The following DNAAF9 variants were observed in gnomAD, a reference collection of about 807,000 sequenced individuals.
DNAAF9 encodes the protein shulin.
Under a neutral mutation model 167.0 loss-of-function variants are expected in DNAAF9, and 90 were observed. The ratio of observed to expected loss-of-function variants is 0.54; its 90% CI spans 0.45 to 0.64. DNAAF9 has a LOEUF of 0.64. DNAAF9 is among the 30% of genes least tolerant of loss of function. The pLI is 0.00. For missense variants in DNAAF9, 1,315 were observed against 1,442.2 expected, an observed-to-expected ratio of 0.91 and a Z score of 1.43; for synonymous variants, 491 against 508.8, an observed-to-expected ratio of 0.96 and a Z score of 0.47.
At chr20:3,369,252 T>C (rs932563488) in intron 6 of DNAAF9, among the ~76,000 whole-genome samples, 1 of 152,226 alleles carries the variant, frequency 6.6e-6, no homozygotes, top group Non-Finnish European at 1.5e-5. Flanking sequence ...TTTATTTCTC[T>C]TTATGATTGG....
At chr20:3,266,538 C>T (rs571662979) in intron 30 of DNAAF9, among the ~76,000 whole-genome samples, 3 of 152,232 alleles carry the variant, frequency 2.0e-5, no homozygotes, top group Admixed American at 6.5e-5. Flanking sequence ...AGTGCAGTGG[C>T]GCGGTCTCGG....
At chr20:3,366,068 T>C (rs1379174617) in intron 6 of DNAAF9, among the ~76,000 whole-genome samples, 2 of 152,344 alleles carry the variant, frequency 1.3e-5, no homozygotes, top group East Asian at 3.9e-4. Context: ...CAAACTCCTG[T>C]TAATGTTGTT....
Position 3,294,856 on chromosome 20 carries a change from C to T in DNAAF9, c.2019-227G>A, listed in dbSNP as rs371442194. ...GATAATACCATGAGTTTCTGATTCT[C>T]GGTGATTTCACCTCTCCTTTTTTTT... On this transcript the variant is annotated intron_variant, in intron 23 of 36. Coordinates refer to ENST00000252032, the MANE Select transcript of DNAAF9 (RefSeq NM_001009984.3). 1.7e-4 allele frequency among the ~76,000 whole-genome samples: 26 copies of T among 151,968 alleles called. No individual in the cohort carries two copies. The East Asian group carries it at 3.9e-3, about 23-fold the overall frequency.
intron 33 of DNAAF9, among the ~76,000 whole-genome samples, chr20:3,257,800 G>C (rs2068307576): frequency 6.6e-6 from 1 of 152,124 alleles, no homozygotes; most frequent in Non-Finnish European, 1.5e-5. Flanking sequence ...CATCTCCCAG[G>C]TTCAAGTGAT....
intron 24 of DNAAF9, 64 bp from the exon 25 acceptor site, chr20:3,294,320 C>T: frequency 9.0e-7 from 1 of 1,106,258 alleles, no homozygotes; most frequent in Non-Finnish European, 1.4e-6. Context: ...TGCCTACTCA[C>T]ATGAAAAAGT....
rs1328025127 is a variant in DNAAF9, at chr20:3,251,497, T to C, written c.*1075A>G. 3 of 152,218 alleles carry C rather than the reference T, an allele frequency of 2.0e-5. No individual in the cohort carries two copies. The highest frequency in any genetic ancestry group is 1.3e-4 in the Admixed American group (2 of 15,270). The allele number at this position is 152,218 out of a possible 1,614,324, so 9.4% of individuals were successfully genotyped here. A position where few individuals can be genotyped will look rare whatever the true frequency, so the allele number is the denominator to read the frequency against. Reference sequence around the variant, plus strand: ...GCATGGGACACACTTGTAATTCCCCTCTGCTTTATGGTCCAGCTTAAAACG... The same window carrying C: ...GCATGGGACACACTTGTAATTCCCCCCTGCTTTATGGTCCAGCTTAAAACG... On this transcript the variant is annotated 3_prime_UTR_variant, in exon 37 of 37. Transcript: ENST00000252032.
At chr20:3,384,274 G>A (rs1275191452) in intron 1 of DNAAF9, 2 of 152,170 alleles carry the variant, frequency 1.3e-5, no homozygotes, top group East Asian at 3.8e-4. Flanking sequence ...TTATTAGAGA[G>A]GTCTCTCTGA....
At chr20:3,277,293 T>A (rs1330674139) in intron 29 of DNAAF9, among the ~76,000 whole-genome samples, 1 of 152,072 alleles carries the variant, frequency 6.6e-6, no homozygotes, top group Admixed American at 6.5e-5. Context: ...GCATTAGACA[T>A]CGTGGATCTC....
At chr20:3,299,503 G>A (rs2069145221) in intron 21 of DNAAF9, among the ~76,000 whole-genome samples, 2 of 151,968 alleles carry the variant, frequency 1.3e-5, no homozygotes, top group Admixed American at 1.3e-4. Flanking sequence ...GTAGAGATGG[G>A]GTTTTGCCAT....
intron 1 of DNAAF9, among the ~76,000 whole-genome samples, chr20:3,398,682 G>A (rs563848493): frequency 2.5e-4 from 38 of 152,252 alleles, no homozygotes; most frequent in Non-Finnish European, 5.1e-4. Context: ...GTGGGGTTTG[G>A]GAATCAACAG....
intron 18 of DNAAF9, 66 bp downstream of exon 18, chr20:3,316,657 T>TTCC (rs1304400325): frequency 2.6e-6 from 3 of 1,161,322 alleles, no homozygotes; most frequent in Non-Finnish European, 3.9e-6. Flanking sequence ...AAAGAGGCTC[T>TTCC]TCCTCAAGTG....
chr20:3,287,851 C>G, intron 26 of DNAAF9, 61 bp from the exon 27 acceptor site: 1 of 1,432,972 alleles, frequency 7.0e-7, no homozygotes, highest in South Asian at 1.2e-5. Flanking sequence ...TCCATAGGTT[C>G]AGCCATGGAT....
At chr20:3,278,305 T>A (rs1437633891) in intron 29 of DNAAF9, among the ~76,000 whole-genome samples, 1 of 152,114 alleles carries the variant, frequency 6.6e-6, no homozygotes, top group Non-Finnish European at 1.5e-5. Context: ...CAGAAGTGAA[T>A]CAAGATCTTG....
intron 8 of DNAAF9, among the ~76,000 whole-genome samples, chr20:3,347,777 C>T (rs2070225785): frequency 6.6e-6 from 1 of 152,060 alleles, no homozygotes; most frequent in South Asian, 2.1e-4. Context: ...CAAAAATTAG[C>T]TGGGCATGGT....
rs2069493229 is a variant in DNAAF9, at chr20:3,315,927, G to A, written c.1540-142C>T. On this transcript the variant is annotated intron_variant, in intron 18 of 36. Coordinates refer to ENST00000252032, the MANE Select transcript of DNAAF9 (RefSeq NM_001009984.3). The surrounding 1 kb of genome is among the most constrained non-coding windows in gnomAD (Gnocchi z 4.1). The stretch of plus-strand genomic sequence containing the variant: ...TCCATGTCCAGTGCTCTCAGGCCCT[G>A]ACACACCTGAGATGTCTGCTGGTCA... 1.4e-6 allele frequency: 1 copy of A among 716,874 alleles called. No homozygotes were observed. Among genetic ancestry groups the A allele is most frequent in the Non-Finnish European group, 2.5e-6 (1 of 397,260 alleles). The allele number at this position is 716,874 out of a possible 1,614,324, so 44.4% of individuals were successfully genotyped here.
At chr20:3,287,321 GATGA>G (rs1417227015) in intron 27 of DNAAF9, among the ~76,000 whole-genome samples, 2 of 152,224 alleles carry the variant, frequency 1.3e-5, no homozygotes, top group African/African-American at 4.8e-5. Flanking sequence ...TTATTTAGAT[GATGA>G]ATGAAGACTT....
At chr20:3,362,412 T>C in intron 6 of DNAAF9, 1 of 436,910 alleles carries the variant, frequency 2.3e-6, no homozygotes, top group Non-Finnish European at 4.0e-6. Flanking sequence ...GCAGGCTAAG[T>C]ACATTTTACA....
chr20:3,279,085 A>G, intron 28 of DNAAF9, 136 bp from the exon 29 acceptor site: 1 of 683,202 alleles, frequency 1.5e-6, no homozygotes, highest in Non-Finnish European at 2.6e-6. Context: ...AGCACTGAGC[A>G]CTAAGGATAG....
chr20:3,356,298 G>A (rs975373679), intron 7 of DNAAF9, among the ~76,000 whole-genome samples: 3 of 152,244 alleles, frequency 2.0e-5, no homozygotes, highest in Admixed American at 6.5e-5. Context: ...GATTACAGGC[G>A]TGAGCTGCTA....
Sources: allele counts gnomAD v4.1 joint callset (sites outside exome capture counted in the v4.1 genomes callset), GRCh38; gene constraint gnomAD v4.1.1; non-coding constraint Gnocchi (gnomAD v3.1); transcripts MANE v1.5; gene names NCBI Gene and HGNC (gene_info 2026-07-23, HGNC 2026-07-21).